Variants in PLD5 observed in about 807,000 individuals in gnomAD.
PLD5 encodes phospholipase D family member 5.
Under a neutral mutation model 61.1 loss-of-function variants are expected in PLD5, and 36 were observed. The ratio of observed to expected loss-of-function variants is 0.59; its 90% confidence interval spans 0.45 to 0.78. The LOEUF (loss-of-function observed/expected upper bound fraction) is 0.78. Among genes scored for constraint, PLD5 ranks in the 30% least tolerant of loss-of-function variants. The pLI, the probability that PLD5 is intolerant of heterozygous loss-of-function variation, is 0.00. For missense variants in PLD5, 515 were observed against 644.4 expected, an observed-to-expected ratio of 0.80 and a Z score of 2.17; for synonymous variants, 243 against 242.8, an observed-to-expected ratio of 1.00 and a Z score of -0.01.
chr1:242,212,635 C>A (rs1574528067), intron 5 of PLD5, among the ~76,000 whole-genome samples: 1 of 145,752 alleles, frequency 6.9e-6, no homozygotes, highest in Non-Finnish European at 1.5e-5. Context: ...AGGAGCAGTA[C>A]AGAAAGAAGC....
At chr1:242,399,824 G>A (rs986752110) in intron 1 of PLD5, among the ~76,000 whole-genome samples, 3 of 152,096 alleles carry the variant, frequency 2.0e-5, no homozygotes, top group Non-Finnish European at 4.4e-5. Flanking sequence ...CCACGGGAGC[G>A]CAAACCCTAC....
intron 1 of PLD5, among the ~76,000 whole-genome samples, chr1:242,356,324 T>C (rs1027223300): frequency 6.6e-6 from 1 of 152,046 alleles, no homozygotes; most frequent in Non-Finnish European, 1.5e-5. Context: ...AATGCCCTTC[T>C]TTGTCTTTTT....
chr1:242,163,141 TC>T (rs1426682377), intron 5 of PLD5, among the ~76,000 whole-genome samples: 2 of 133,052 alleles, frequency 1.5e-5, no homozygotes, highest in East Asian at 2.2e-4. Context: ...TATTTTCTTT[TC>T]TTTTCTTTCT....
At chr1:242,455,362 T>C (rs978600788) in intron 1 of PLD5, among the ~76,000 whole-genome samples, 2 of 152,210 alleles carry the variant, frequency 1.3e-5, no homozygotes, top group African/African-American at 4.8e-5. Flanking sequence ...CTGTAATTTA[T>C]CTTCTACGCC....
chr1:242,120,294 C>CTTTATTT (rs1161800070), intron 6 of PLD5, among the ~76,000 whole-genome samples: 1 of 151,944 alleles, frequency 6.6e-6, no homozygotes, highest in Admixed American at 6.6e-5. Flanking sequence ...AAATTGTATG[C>CTTTATTT]TTTATTTTTT....
In PLD5 at chr1:242,409,161, C is replaced by A. The variant is rs374877009; in HGVS notation, c.190-60919G>T. Among the ~76,000 whole-genome samples the A allele has an allele frequency of 2.0e-5, 3 of 152,254 alleles. No homozygotes were observed. In the East Asian group the frequency reaches 5.8e-4, roughly 29 times the overall value. ...GGAAATTCCATCCATGAGCTCTAGACCCAACTTTGTCATGACTAGCTTATT... is the reference window on the plus strand; with the variant it reads ...GGAAATTCCATCCATGAGCTCTAGAACCAACTTTGTCATGACTAGCTTATT... On this transcript the variant is annotated intron_variant, in intron 1 of 9. Coordinates refer to ENST00000536534, the MANE Select transcript of PLD5 (RefSeq NM_001372062.1).
At chr1:242,252,356 G>A (rs1389760821) in intron 4 of PLD5, among the ~76,000 whole-genome samples, 1 of 152,174 alleles carries the variant, frequency 6.6e-6, no homozygotes, top group Non-Finnish European at 1.5e-5. Flanking sequence ...ACTCACTCAT[G>A]AGGATAATGA....
intron 5 of PLD5, among the ~76,000 whole-genome samples, chr1:242,194,906 G>T (rs992017379): frequency 6.6e-6 from 1 of 152,098 alleles, no homozygotes; most frequent in African/African-American, 2.4e-5. Flanking sequence ...AGGGATAAGA[G>T]ACTACAAATT....
intron 5 of PLD5, among the ~76,000 whole-genome samples, chr1:242,196,240 C>T (rs1231085739): frequency 6.6e-6 from 1 of 152,210 alleles, no homozygotes; most frequent in Non-Finnish European, 1.5e-5. Context: ...AATGTAGTGT[C>T]TGTGTTTACA....
intron 5 of PLD5, among the ~76,000 whole-genome samples, chr1:242,215,043 A>AT (rs34759131): frequency 0.044 from 5,271 of 120,550 alleles, 261 homozygotes; most frequent in African/African-American, 0.12. Context: ...TGCCTGGCCA[A>AT]TTTTTTTTTT....
At chr1:242,463,782 A>G (rs1314006392) in intron 1 of PLD5, among the ~76,000 whole-genome samples, 1 of 149,466 alleles carries the variant, frequency 6.7e-6, no homozygotes, top group African/African-American at 2.5e-5. Flanking sequence ...AAAAAAAATC[A>G]ATTTTCTTAC....
At chr1:242,326,813 C>T (rs183256267) in intron 2 of PLD5, among the ~76,000 whole-genome samples, 41 of 151,872 alleles carry the variant, frequency 2.7e-4, no homozygotes, top group African/African-American at 9.2e-4. Context: ...CTCAAGTGAT[C>T]CTCCCACCTC....
At chr1:242,161,987 C>G (rs1183157629) in intron 5 of PLD5, among the ~76,000 whole-genome samples, 2 of 152,152 alleles carry the variant, frequency 1.3e-5, no homozygotes, top group Non-Finnish European at 2.9e-5. Context: ...GGGGCAAACA[C>G]TGTAATCCTC....
chr1:242,483,060 A>G (rs927836107), intron 1 of PLD5, among the ~76,000 whole-genome samples: 95 of 152,342 alleles, frequency 6.2e-4, no homozygotes, highest in African/African-American at 2.2e-3. Flanking sequence ...TGAAGGAAGC[A>G]CTAAACATGG....
rs1486830305 is a variant in PLD5 at position 242,083,317 on chromosome 1, C to G, written c.*6537G>C. ...AACAAGAATACCACTGCTAGGTACA[C>G]TTTCATTCCTTAGGCCGCCCTCTGG... is the stretch of plus-strand genomic sequence containing the variant. On this transcript the variant is annotated 3_prime_UTR_variant, in exon 10 of 10. Transcript: ENST00000536534. 1.3e-5 allele frequency: 2 copies of G among 152,228 alleles called. No homozygotes were observed. The highest frequency in any genetic ancestry group is 2.9e-5 in the Non-Finnish European group (2 of 68,074). 9.4% of individuals were successfully genotyped at this position (152,228 alleles called of 1,614,324 possible).
chr1:242,279,744 G>A (rs1443749675), intron 3 of PLD5, among the ~76,000 whole-genome samples: 1 of 152,130 alleles, frequency 6.6e-6, no homozygotes, highest in Non-Finnish European at 1.5e-5. Flanking sequence ...ATGTTGGCCA[G>A]GATGGTCTTG....
In PLD5 at chr1:242,086,182, T is replaced by C. The variant is rs6429332; in HGVS notation, c.*3672A>G. On this transcript the variant is annotated 3_prime_UTR_variant, in exon 10 of 10. Coordinates refer to ENST00000536534, the MANE Select transcript of PLD5 (RefSeq NM_001372062.1). ...ATCAGACCCCTCTCACCAAGAACCA[T>C]TCAGACATGAGACAAACAGTAGCAC... is the stretch of plus-strand genomic sequence containing the variant. 0.46 allele frequency: 69,932 copies of C among 151,922 alleles called. 16,912 individuals carry two copies. Among genetic ancestry groups the C allele is most frequent in the African/African-American group, 0.61 (25,423 of 41,432 alleles). 9.4% of individuals were successfully genotyped at this position (151,922 alleles called of 1,614,324 possible).
intron 3 of PLD5, among the ~76,000 whole-genome samples, chr1:242,271,577 T>C (rs1006346888): frequency 3.9e-5 from 6 of 152,094 alleles, no homozygotes; most frequent in Non-Finnish European, 7.4e-5. Context: ...GTATAGCCTA[T>C]GGAAGACAAA....
chr1:242,259,178 A>C (rs1349955881), intron 4 of PLD5, among the ~76,000 whole-genome samples: 1 of 152,174 alleles, frequency 6.6e-6, no homozygotes, highest in Non-Finnish European at 1.5e-5. Context: ...GCATGGTGGC[A>C]CATGCCTCTA....
Sources: allele counts gnomAD v4.1 joint callset (sites outside exome capture counted in the v4.1 genomes callset), GRCh38; gene constraint gnomAD v4.1.1; transcripts MANE v1.5; gene names NCBI Gene and HGNC (gene_info 2026-07-23, HGNC 2026-07-21).